Variants in DAB1 observed in about 807,000 individuals in gnomAD.
DAB1 encodes the protein DAB adaptor protein 1.
Under a neutral mutation model 64.6 loss-of-function variants are expected in DAB1, and 15 were observed. That is an observed-to-expected ratio of 0.23 (90% confidence interval 0.16 to 0.36). DAB1 has a LOEUF of 0.36. Among genes scored for constraint, DAB1 ranks in the 10% least tolerant of loss-of-function variants. The pLI is 1.00. For synonymous variants in DAB1, 235 were observed against 251.9 expected (o/e 0.93, Z 0.64); for missense variants, 596 against 706.7 (o/e 0.84, Z 1.78).
intron 5 of DAB1, among the ~76,000 whole-genome samples, chr1:57,941,269 T>C (rs1208100858): frequency 6.6e-6 from 1 of 152,182 alleles, no homozygotes; most frequent in Non-Finnish European, 1.5e-5. Flanking sequence ...GTTTATAAGG[T>C]GCTTTGGTAT....
chr1:57,913,536 A>G (rs1202808), intron 5 of DAB1, among the ~76,000 whole-genome samples: 29,984 of 152,202 alleles, frequency 0.2, 3,365 homozygotes, highest in Admixed American at 0.27. Flanking sequence ...AGGCATGGGC[A>G]AGGACTTCAT....
At chr1:57,442,599 G>C (rs540805391) in intron 7 of DAB1, among the ~76,000 whole-genome samples, 3 of 152,146 alleles carry the variant, frequency 2.0e-5, no homozygotes, top group African/African-American at 7.2e-5. Context: ...TACTTGGTTG[G>C]CATATTATAG....
At chr1:58,078,211 T>A (rs1322134768) in intron 5 of DAB1, 1 of 152,222 alleles carries the variant, frequency 6.6e-6, no homozygotes, top group Admixed American at 6.5e-5. Flanking sequence ...TCCACCACTT[T>A]TTATCTTAAC....
At chr1:57,046,332 G>A (rs1366340344) in intron 9 of DAB1, among the ~76,000 whole-genome samples, 1 of 152,180 alleles carries the variant, frequency 6.6e-6, no homozygotes, top group Non-Finnish European at 1.5e-5. Flanking sequence ...TCCTTTCTAA[G>A]TCACTGCAAA....
intron 5 of DAB1, chr1:58,071,666 A>G (rs1002005168): frequency 6.6e-6 from 1 of 152,164 alleles, no homozygotes; most frequent in Admixed American, 6.5e-5. Context: ...AGGTTCATGA[A>G]GAAGCTATGA....
chr1:57,289,125 TG>T (rs1398826857), intron 2 of DAB1, among the ~76,000 whole-genome samples: 1 of 152,150 alleles, frequency 6.6e-6, no homozygotes, highest in Non-Finnish European at 1.5e-5. Flanking sequence ...GACATGAAGA[TG>T]AGGAGGTTCA....
At chr1:58,468,524 A>G (rs1049182350) in intron 3 of DAB1, 4 of 152,212 alleles carry the variant, frequency 2.6e-5, no homozygotes, top group Middle Eastern at 3.2e-3. Context: ...TTGCATTAGC[A>G]TTCTTCAGGA....
At chr1:58,020,942 T>A (rs1185806768) in intron 5 of DAB1, among the ~76,000 whole-genome samples, 1 of 152,072 alleles carries the variant, frequency 6.6e-6, no homozygotes, top group East Asian at 1.9e-4. Context: ...GGTGGAGGTT[T>A]CAGTGAGCAG....
At chr1:58,124,381 A>T (rs1652936025) in intron 5 of DAB1, among the ~76,000 whole-genome samples, 1 of 152,106 alleles carries the variant, frequency 6.6e-6, no homozygotes. Flanking sequence ...TGGTGTACAA[A>T]GTCAAGTCAT....
chr1:57,965,387 T>C (rs1218709617), intron 5 of DAB1, among the ~76,000 whole-genome samples: 1 of 152,124 alleles, frequency 6.6e-6, no homozygotes, highest in Non-Finnish European at 1.5e-5. Context: ...TGCCACCTCA[T>C]AGGGGTATCA....
intron 6 of DAB1, among the ~76,000 whole-genome samples, chr1:57,706,794 C>A (rs559714447): frequency 6.6e-6 from 1 of 152,048 alleles, no homozygotes; most frequent in Admixed American, 6.6e-5. Context: ...CATTCCAGGC[C>A]GGGCGCGGTG....
intron 3 of DAB1, among the ~76,000 whole-genome samples, chr1:58,383,721 C>T (rs1443497031): frequency 1.3e-5 from 2 of 152,256 alleles, no homozygotes; most frequent in East Asian, 3.9e-4. Context: ...TTTTCTAAGG[C>T]TTCCCTGACC....
At chr1:58,533,240 G>A (rs1028623891) in intron 1 of DAB1, among the ~76,000 whole-genome samples, 3 of 152,148 alleles carry the variant, frequency 2.0e-5, no homozygotes, top group African/African-American at 4.8e-5. Flanking sequence ...TAAGAAAAGC[G>A]CTGCTAAAAA....
intron 5 of DAB1, among the ~76,000 whole-genome samples, chr1:58,072,634 T>C (rs964631293): frequency 5.3e-5 from 8 of 152,208 alleles, no homozygotes; most frequent in Non-Finnish European, 1.2e-4. Flanking sequence ...TCCTGTCTCA[T>C]TTTTTGAGAT....
chr1:57,514,594 G>A (rs1308469476), intron 7 of DAB1, among the ~76,000 whole-genome samples: 2 of 152,182 alleles, frequency 1.3e-5, no homozygotes, highest in Non-Finnish European at 2.9e-5. Flanking sequence ...GATATACTAA[G>A]TAAAGGAATA....
intron 6 of DAB1, among the ~76,000 whole-genome samples, chr1:57,724,093 G>T: frequency 6.6e-6 from 1 of 152,148 alleles, no homozygotes; most frequent in Non-Finnish European, 1.5e-5. Flanking sequence ...CCTGCTGATG[G>T]ATGGACAAGC....
intron 6 of DAB1, among the ~76,000 whole-genome samples, chr1:57,696,715 A>T (rs1557428779): frequency 6.6e-6 from 1 of 152,286 alleles, no homozygotes; most frequent in East Asian, 1.9e-4. Context: ...CACAAGCGTG[A>T]TCTTACCCTT....
At chr1:58,397,009 G>A (rs1273927468) in intron 3 of DAB1, among the ~76,000 whole-genome samples, 3 of 151,484 alleles carry the variant, frequency 2.0e-5, no homozygotes, top group South Asian at 2.1e-4. Flanking sequence ...AGCTTGCAGT[G>A]AGCCGAGATC....
chr1:57,712,004 T>C (rs1178113208), intron 6 of DAB1, among the ~76,000 whole-genome samples: 1 of 152,198 alleles, frequency 6.6e-6, no homozygotes. Flanking sequence ...TTTTTTTCTA[T>C]ATTACTCAGA....
Sources: allele counts gnomAD v4.1 joint callset (sites outside exome capture counted in the v4.1 genomes callset), GRCh38; gene constraint gnomAD v4.1.1; transcripts MANE v1.5; gene names NCBI Gene and HGNC (gene_info 2026-07-23, HGNC 2026-07-21).